The following HTT variants were observed in gnomAD, a reference collection of about 807,000 sequenced individuals.
The protein encoded by HTT is huntingtin.
HTT carries 104 observed loss-of-function variants against 362.3 expected under a neutral mutation model. That is an observed-to-expected ratio of 0.29 (90% CI 0.24 to 0.34). The LOEUF (loss-of-function observed/expected upper bound fraction) is 0.34, where lower values mean the gene tolerates loss of function less well. HTT is among the 10% of genes least tolerant of loss of function. The pLI is 1.00. For missense variants in HTT, 3,301 were observed against 3,928.6 expected, an observed-to-expected ratio of 0.84 and a Z score of 4.27; for synonymous variants, 1,577 against 1,548.7, an observed-to-expected ratio of 1.02 and a Z score of -0.43.
chr4:3,169,532 CTCTGTTGTTAATCTGTTAA>C (rs1445781017), intron 29 of HTT, among the ~76,000 whole-genome samples: 1 of 150,462 alleles, frequency 6.6e-6, no homozygotes, highest in Non-Finnish European at 1.5e-5. Context: ...ACAGTGTCTA[CTCTGTTGTTAATCTGTTAA>C]TCTGTTGTTA....
chr4:3,156,964 A>G (rs1717179343), intron 27 of HTT, 108 bp from the exon 28 acceptor site: 1 of 883,880 alleles, frequency 1.1e-6, no homozygotes, highest in Non-Finnish European at 1.7e-6. Flanking sequence ...ATACTTGAAT[A>G]TTTTCATACT....
chr4:3,207,066 G>T, intron 44 of HTT, 83 bp downstream of exon 44: 3 of 1,347,332 alleles, frequency 2.2e-6, no homozygotes, highest in East Asian at 5.0e-5. Context: ...TTTTTCCTCC[G>T]TAAGTATGGT....
chr4:3,092,086 G>T (rs1303543512), intron 2 of HTT, among the ~76,000 whole-genome samples: 1 of 152,112 alleles, frequency 6.6e-6, no homozygotes, highest in East Asian at 1.9e-4. Flanking sequence ...GCAATGGTGC[G>T]ATCTCGGCTC....
rs548510497 is a variant in HTT, at chr4:3,203,374, C to T, written c.5577-633C>T. Among the ~76,000 whole-genome samples, 3 of 152,270 alleles carry T rather than the reference C, an allele frequency of 2.0e-5. No homozygotes were observed. In the East Asian group the frequency reaches 5.8e-4, roughly 29 times the overall value. ...CGTCGCTCGGTCAGACCCTGAAGGTCAGAGGGGCAGTTTGGGAGTGTGTCA... is the reference window on the plus strand; with the variant it reads ...CGTCGCTCGGTCAGACCCTGAAGGTTAGAGGGGCAGTTTGGGAGTGTGTCA... On this transcript the variant is annotated intron_variant, in intron 41 of 66. Transcript: ENST00000355072.
At chr4:3,177,985 G>A (rs1297877384) in intron 34 of HTT, among the ~76,000 whole-genome samples, 1 of 152,194 alleles carries the variant, frequency 6.6e-6, no homozygotes, top group East Asian at 1.9e-4. Context: ...GCAAGTTACT[G>A]TTTCTCTTTT....
At chr4:3,171,165 C>T (rs1387105903) in intron 29 of HTT, among the ~76,000 whole-genome samples, 1 of 152,192 alleles carries the variant, frequency 6.6e-6, no homozygotes, top group African/African-American at 2.4e-5. Flanking sequence ...GTGACAAATT[C>T]AATTCTGACA....
intron 12 of HTT, 124 bp downstream of exon 12, chr4:3,127,728 C>T: frequency 1.4e-6 from 1 of 691,030 alleles, no homozygotes; most frequent in Non-Finnish European, 2.4e-6. Flanking sequence ...CTTTGGGAGA[C>T]TGAGGCAGGC....
intron 26 of HTT, among the ~76,000 whole-genome samples, chr4:3,151,071 A>G (rs1456000239): frequency 6.6e-6 from 1 of 151,322 alleles, no homozygotes; most frequent in Non-Finnish European, 1.5e-5. Context: ...AAAAAAAACC[A>G]GGCTGCACAG....
At chr4:3,199,280 C>T (rs1373239497) in intron 40 of HTT, among the ~76,000 whole-genome samples, 3 of 152,198 alleles carry the variant, frequency 2.0e-5, no homozygotes, top group Non-Finnish European at 2.9e-5. Flanking sequence ...CGGCGGCTCA[C>T]GCCTTAATCC....
Position 3,235,729 on chromosome 4 carries a change from G to T in HTT, c.8736G>T (p.Pro2912=), listed in dbSNP as rs369845532. 8 of 1,612,128 alleles carry T rather than the reference G, an allele frequency of 5.0e-6. No homozygotes were observed. Among genetic ancestry groups the T allele is most frequent in the African/African-American group, 1.3e-5 (1 of 74,940 alleles). Residue 2912 remains proline (P), a synonymous_variant, in exon 63 of 67, where the codon CCG becomes CCT. Coordinates refer to ENST00000355072, the MANE Select transcript of HTT (RefSeq NM_001388492.1). ...LSVDRVNVHS[P]HRAMAALGLM... is the part of the protein sequence containing the mutation. The stretch of plus-strand genomic sequence containing the variant: ...TGGACAGAGTGAACGTGCACAGCCC[G>T]CACCGGGCCATGGCGGCTCTGGGCC...
chr4:3,100,868 C>A (rs1341701742), intron 3 of HTT, among the ~76,000 whole-genome samples: 2 of 152,216 alleles, frequency 1.3e-5, no homozygotes, highest in Admixed American at 1.3e-4. Flanking sequence ...GCTGGGACTA[C>A]AGGCGTGCAC....
intron 37 of HTT, among the ~76,000 whole-genome samples, chr4:3,183,180 C>T (rs916869207): frequency 6.6e-6 from 1 of 152,248 alleles, no homozygotes; most frequent in African/African-American, 2.4e-5. Flanking sequence ...CCTCGCCTGG[C>T]CTATTCATCA....
intron 40 of HTT, among the ~76,000 whole-genome samples, chr4:3,196,423 C>G (rs1439484492): frequency 1.3e-5 from 2 of 152,132 alleles, no homozygotes; most frequent in African/African-American, 4.8e-5. Flanking sequence ...TTGAATTTTG[C>G]CTTTGATGCT....
chr4:3,236,312 C>T, intron 64 of HTT, 58 bp downstream of exon 64: 1 of 1,233,030 alleles, frequency 8.1e-7, no homozygotes, highest in Non-Finnish European at 1.2e-6. Flanking sequence ...TGGCCTGAAG[C>T]TGTGCTTTTG....
intron 37 of HTT, among the ~76,000 whole-genome samples, chr4:3,182,787 C>T (rs1455917147): frequency 6.6e-6 from 1 of 152,220 alleles, no homozygotes; most frequent in Non-Finnish European, 1.5e-5. Context: ...ACCTCCTACA[C>T]TGCCTCCTGC....
At chr4:3,177,965 G>A (rs1718312911) in intron 34 of HTT, among the ~76,000 whole-genome samples, 1 of 152,164 alleles carries the variant, frequency 6.6e-6, no homozygotes, top group African/African-American at 2.4e-5. Flanking sequence ...CACCTCCACT[G>A]TGTTTTGGGG....
chr4:3,169,211 G>A (rs1264167848), intron 29 of HTT, among the ~76,000 whole-genome samples: 1 of 151,972 alleles, frequency 6.6e-6, no homozygotes, highest in African/African-American at 2.4e-5. Context: ...GTAGAGACGA[G>A]GTTTCACTGT....
chr4:3,118,038 T>A (rs1187253099), intron 8 of HTT, among the ~76,000 whole-genome samples: 1 of 152,188 alleles, frequency 6.6e-6, no homozygotes, highest in Non-Finnish European at 1.5e-5. Context: ...TTTTTTTCCC[T>A]TAGAGTTCAT....
intron 66 of HTT, among the ~76,000 whole-genome samples, chr4:3,239,509 G>C (rs1425820751): frequency 6.6e-6 from 1 of 152,224 alleles, no homozygotes; most frequent in South Asian, 2.1e-4. Flanking sequence ...AGCCTTGCCC[G>C]GCGTGCCTGG....
Sources: allele counts gnomAD v4.1 joint callset (sites outside exome capture counted in the v4.1 genomes callset), GRCh38; gene constraint gnomAD v4.1.1; transcripts MANE v1.5; gene names NCBI Gene and HGNC (gene_info 2026-07-23, HGNC 2026-07-21).